Variants in HUNK observed in about 807,000 individuals in gnomAD.
HUNK encodes the protein hormonally up-regulated neu tumor-associated kinase.
In HUNK, 21 loss-of-function variants were observed where a neutral mutation model predicts 61.0. The observed-to-expected ratio is 0.34, with a 90% CI of 0.24 to 0.50. The LOEUF (loss-of-function observed/expected upper bound fraction) is 0.50. Among genes scored for constraint, HUNK ranks in the 20% least tolerant of loss-of-function variants. The probability of loss-of-function intolerance (pLI) is 0.98; values close to 1 mark genes in which losing one functional copy is unlikely to be tolerated. For synonymous variants in HUNK, 371 were observed against 386.1 expected (o/e 0.96, Z 0.46); for missense variants, 772 against 945.7 (o/e 0.82, Z 2.41).
intron 2 of HUNK, among the ~76,000 whole-genome samples, chr21:31,926,529 T>C (rs1267782486): frequency 6.6e-6 from 1 of 152,158 alleles, no homozygotes; most frequent in Non-Finnish European, 1.5e-5. Flanking sequence ...CCCTGGCAAC[T>C]ACTAATTTAC....
intron 5 of HUNK, among the ~76,000 whole-genome samples, chr21:31,963,111 C>A (rs1226988264): frequency 2.6e-5 from 4 of 152,192 alleles, no homozygotes; most frequent in African/African-American, 7.2e-5. Context: ...ACCAGCCTGG[C>A]CCTGCTTATA....
chr21:31,939,410 T>G (rs936590447), intron 2 of HUNK, among the ~76,000 whole-genome samples: 3 of 140,470 alleles, frequency 2.1e-5, no homozygotes, highest in East Asian at 4.1e-4. Context: ...TTTTTTTTTT[T>G]TTTTTTTTTT....
At chr21:31,983,490 G>A in intron 7 of HUNK, 36 bp from the exon 8 acceptor site, 1 of 1,502,312 alleles carries the variant, frequency 6.7e-7, no homozygotes, top group Non-Finnish European at 9.3e-7. Context: ...CTATTTCTGA[G>A]AGTTGAGCTG....
intron 4 of HUNK, among the ~76,000 whole-genome samples, chr21:31,956,171 G>A (rs1024067862): frequency 1.3e-5 from 2 of 152,230 alleles, no homozygotes; most frequent in Admixed American, 6.5e-5. Context: ...TTTCAAAGAT[G>A]TGAAGTGCTG....
chr21:31,877,059 T>G (rs2123784897), intron 1 of HUNK, among the ~76,000 whole-genome samples: 1 of 152,288 alleles, frequency 6.6e-6, no homozygotes, highest in Middle Eastern at 3.4e-3. Flanking sequence ...GCAGCTTGTC[T>G]TGGGAAATCA....
intron 1 of HUNK, among the ~76,000 whole-genome samples, chr21:31,914,072 C>T (rs935543305): frequency 6.6e-6 from 1 of 152,100 alleles, no homozygotes; most frequent in African/African-American, 2.4e-5. Context: ...GTGACGTCCC[C>T]AGACTGGGGA....
intron 2 of HUNK, among the ~76,000 whole-genome samples, chr21:31,935,852 C>CT (rs2052729900): frequency 6.6e-6 from 1 of 152,166 alleles, no homozygotes; most frequent in Non-Finnish European, 1.5e-5. Context: ...GAGTCTCACT[C>CT]TGTCGCCCTA....
chr21:31,989,907 G>A (rs976138266), intron 8 of HUNK, among the ~76,000 whole-genome samples: 6 of 151,730 alleles, frequency 4.0e-5, no homozygotes, highest in African/African-American at 7.3e-5. Flanking sequence ...TCCTCCATAC[G>A]GCATCTTAGA....
intron 1 of HUNK, among the ~76,000 whole-genome samples, chr21:31,878,686 A>T (rs1249738847): frequency 6.6e-6 from 1 of 152,226 alleles, no homozygotes; most frequent in Non-Finnish European, 1.5e-5. Flanking sequence ...TACCTACAAG[A>T]GGCATGGTCT....
intron 1 of HUNK, among the ~76,000 whole-genome samples, chr21:31,898,760 T>C (rs2052443171): frequency 1.3e-5 from 2 of 152,070 alleles, no homozygotes; most frequent in Admixed American, 1.3e-4. Context: ...GGAGAGAGGA[T>C]GATTAATGTC....
chr21:31,943,576 C>A (rs1028358561), intron 3 of HUNK, among the ~76,000 whole-genome samples: 1 of 152,134 alleles, frequency 6.6e-6, no homozygotes, highest in African/African-American at 2.4e-5. Flanking sequence ...TAAATCAAAC[C>A]CTTTTGGCTA....
intron 8 of HUNK, among the ~76,000 whole-genome samples, chr21:31,988,680 TTTTCTTTTTCTTTTTGCTTTA>T (rs911699279): frequency 6.9e-6 from 1 of 145,678 alleles, no homozygotes; most frequent in African/African-American, 2.5e-5. Flanking sequence ...TTTCTCTTTC[TTTTCTTTTTCTTTTTGCTTTA>T]TTCTTTTCTT....
chr21:31,941,463 C>T lies in HUNK; in HGVS notation c.610+1243C>T, dbSNP rs138812904. On this transcript the variant is annotated intron_variant, in intron 3 of 10. Transcript: ENST00000270112. ...CTGGGATTACAGGCACCCAGCACCA[C>T]GCCTGGCTAATTTTTGTATTTTTAG... Among the ~76,000 whole-genome samples, 1,336 of 151,788 alleles carry T rather than the reference C, an allele frequency of 8.8e-3. 21 individuals are homozygous for T. The highest frequency in any genetic ancestry group is 0.03 in the African/African-American group (1,235 of 41,404).
chr21:31,887,069 C>T (rs996208850), intron 1 of HUNK, among the ~76,000 whole-genome samples: 5 of 152,206 alleles, frequency 3.3e-5, no homozygotes, highest in African/African-American at 7.2e-5. Flanking sequence ...TTCCTTGCTG[C>T]TCTGGGTGTG....
chr21:31,971,830 CTTT>C (rs11424112), intron 6 of HUNK, among the ~76,000 whole-genome samples: 7 of 138,710 alleles, frequency 5.0e-5, no homozygotes, highest in East Asian at 2.1e-4. Context: ...CAGGTGCAGA[CTTT>C]TTTTTTTTTT....
intron 7 of HUNK, among the ~76,000 whole-genome samples, chr21:31,976,030 A>G (rs2053046761): frequency 6.6e-6 from 1 of 152,276 alleles, no homozygotes; most frequent in Admixed American, 6.5e-5. Context: ...AATTATCCAC[A>G]GAACTCCTTT....
intron 5 of HUNK, 72 bp from the exon 6 acceptor site, chr21:31,968,178 G>C: frequency 6.3e-7 from 1 of 1,592,770 alleles, no homozygotes; most frequent in African/African-American, 1.3e-5. Flanking sequence ...CGAGTCCCCT[G>C]TGATGGTGGC....
chr21:31,989,916 G>T (rs998061334), intron 8 of HUNK, among the ~76,000 whole-genome samples: 4 of 152,102 alleles, frequency 2.6e-5, no homozygotes, highest in Middle Eastern at 3.4e-3. Context: ...CGGCATCTTA[G>T]ATTTTAATAA....
intron 1 of HUNK, among the ~76,000 whole-genome samples, chr21:31,890,983 A>AT (rs2052383636): frequency 1.3e-5 from 2 of 152,208 alleles, no homozygotes; most frequent in Admixed American, 1.3e-4. Flanking sequence ...AAAAAAAAAA[A>AT]ACTTTAGACA....
Sources: allele counts gnomAD v4.1 joint callset (sites outside exome capture counted in the v4.1 genomes callset), GRCh38; gene constraint gnomAD v4.1.1; transcripts MANE v1.5; gene names NCBI Gene and HGNC (gene_info 2026-07-23, HGNC 2026-07-21).